PRKG1: variants seen among roughly 807,000 people sequenced by gnomAD.
PRKG1 encodes the protein protein kinase cGMP-dependent 1.
In PRKG1, 35 loss-of-function variants were observed where a neutral mutation model predicts 88.1. The ratio of observed to expected loss-of-function variants is 0.40; its 90% CI spans 0.30 to 0.53. The LOEUF (loss-of-function observed/expected upper bound fraction) is 0.53. Ranked by LOEUF, PRKG1 falls within the 20% of genes least tolerant of loss-of-function variation. The probability of loss-of-function intolerance (pLI) is 0.59; values close to 1 mark genes in which losing one functional copy is unlikely to be tolerated. For synonymous variants in PRKG1, 303 were observed against 292.5 expected (o/e 1.04, Z -0.37); for missense variants, 540 against 839.8 (o/e 0.64, Z 4.41).
chr10:52,171,654 T>C (rs944015616), intron 9 of PRKG1, among the ~76,000 whole-genome samples: 8 of 152,082 alleles, frequency 5.3e-5, no homozygotes, highest in Non-Finnish European at 1.2e-4. Flanking sequence ...GCAGGATTTG[T>C]GACTGCAGAG....
At chr10:51,860,707 T>C (rs1187611161) in intron 4 of PRKG1, among the ~76,000 whole-genome samples, 1 of 152,112 alleles carries the variant, frequency 6.6e-6, no homozygotes, top group Admixed American at 6.6e-5. Context: ...TGGATGTTTT[T>C]AAAAAAATAG....
At chr10:51,032,166 A>C (rs1450091981) in intron 1 of PRKG1, among the ~76,000 whole-genome samples, 1 of 152,106 alleles carries the variant, frequency 6.6e-6, no homozygotes, top group Non-Finnish European at 1.5e-5. Context: ...CAGCAGAGAG[A>C]CAACAGGCTG....
At chr10:51,772,908 T>C (rs1322422040) in intron 3 of PRKG1, among the ~76,000 whole-genome samples, 1 of 152,098 alleles carries the variant, frequency 6.6e-6, no homozygotes, top group Non-Finnish European at 1.5e-5. Context: ...TAAAGGTACT[T>C]ATCTGATTAC....
intron 5 of PRKG1, among the ~76,000 whole-genome samples, chr10:52,051,167 CTA>C (rs1298118590): frequency 1.3e-5 from 2 of 152,170 alleles, no homozygotes; most frequent in Non-Finnish European, 2.9e-5. Flanking sequence ...AAGAAAATAA[CTA>C]TCACATGGAT....
chr10:52,229,933 T>C (rs969958045), intron 9 of PRKG1, among the ~76,000 whole-genome samples: 1 of 152,224 alleles, frequency 6.6e-6, no homozygotes, highest in Admixed American at 6.5e-5. Context: ...CCATGCTTCC[T>C]TCATTATATA....
chr10:51,662,863 G>A (rs1840333146), intron 3 of PRKG1, among the ~76,000 whole-genome samples: 1 of 152,036 alleles, frequency 6.6e-6, no homozygotes, highest in African/African-American at 2.4e-5. Flanking sequence ...TATGGAGTTA[G>A]TGAATAGTGT....
intron 2 of PRKG1, among the ~76,000 whole-genome samples, chr10:51,412,575 C>T (rs1251467894): frequency 1.3e-5 from 2 of 152,076 alleles, no homozygotes; most frequent in African/African-American, 4.8e-5. Flanking sequence ...ACCCGGGAGG[C>T]GGAGGTTGCA....
intron 1 of PRKG1, among the ~76,000 whole-genome samples, chr10:51,044,134 TTTTCTCAAATGAGAAGACCAACAC>T (rs1279093509): frequency 6.6e-6 from 1 of 152,206 alleles, no homozygotes; most frequent in African/African-American, 2.4e-5. Flanking sequence ...ATGACTTCCA[TTTTCTCAAATGAGAAGACCAACAC>T]ACTCACTCTT....
chr10:51,310,762 T>C (rs1841164103), intron 2 of PRKG1, among the ~76,000 whole-genome samples: 1 of 152,136 alleles, frequency 6.6e-6, no homozygotes, highest in African/African-American at 2.4e-5. Context: ...GGATACAACA[T>C]TGAACAAATG....
Position 50,991,243 on chromosome 10 carries a change from G to A in PRKG1, c.-136G>A. ...CCGCGCCGCATTAGGGGCGCACTCCGCCGCGCTCGAGTACTTAGCGCCCAT... is the reference window on the plus strand; with the variant it reads ...CCGCGCCGCATTAGGGGCGCACTCCACCGCGCTCGAGTACTTAGCGCCCAT... On this transcript the variant is annotated 5_prime_UTR_variant, in exon 1 of 18. Transcript: ENST00000401604. This position sits in a 1 kb window ranked among gnomAD's most constrained non-coding sequence, Gnocchi z 4.5. 7.6e-7 allele frequency: 1 copy of A among 1,307,436 alleles called. No homozygotes were observed. Among genetic ancestry groups the A allele is most frequent in the Non-Finnish European group, 1.0e-6 (1 of 987,372 alleles). The allele number at this position is 1,307,436 out of a possible 1,614,324, so 81.0% of individuals were successfully genotyped here.
chr10:51,383,429 T>C (rs993176818), intron 2 of PRKG1, among the ~76,000 whole-genome samples: 2 of 152,310 alleles, frequency 1.3e-5, no homozygotes, highest in South Asian at 2.1e-4. Flanking sequence ...GCCCTTTATA[T>C]AGCAATAGAA....
At chr10:51,044,706 T>C (rs1360582940) in intron 1 of PRKG1, among the ~76,000 whole-genome samples, 1 of 152,040 alleles carries the variant, frequency 6.6e-6, no homozygotes, top group Non-Finnish European at 1.5e-5. Flanking sequence ...GATGTCAAGC[T>C]GTCATAGCAC....
At chr10:51,439,945 A>T (rs891406249) in intron 2 of PRKG1, among the ~76,000 whole-genome samples, 2 of 151,948 alleles carry the variant, frequency 1.3e-5, no homozygotes, top group African/African-American at 4.8e-5. Flanking sequence ...AATACTGCAA[A>T]GTAGATTTGA....
intron 2 of PRKG1, among the ~76,000 whole-genome samples, chr10:51,205,180 C>T (rs1165912976): frequency 2.2e-5 from 2 of 90,050 alleles, no homozygotes; most frequent in Non-Finnish European, 4.2e-5. Context: ...TGCTCTGTTG[C>T]CCAGGCGGGA....
At chr10:52,062,471 A>C (rs1846259412) in intron 6 of PRKG1, 66 bp from the exon 7 acceptor site, 6 of 956,608 alleles carry the variant, frequency 6.3e-6, no homozygotes, top group Non-Finnish European at 9.0e-6. Context: ...TAACTTCATT[A>C]ATTAGTGTTC....
In PRKG1 at chr10:52,224,228, A is replaced by T. The variant is rs554880598; in HGVS notation, c.1077-27342A>T. Among the ~76,000 whole-genome samples the T allele has an allele frequency of 1.8e-4, 27 of 151,778 alleles. No homozygotes were observed. The East Asian group carries it at 3.1e-3, about 18-fold the overall frequency. ...AGAGGAGACTGTTCCAGCCACTATA[A>T]CTGTCTTGCTAATTGTAACACATAT... On this transcript the variant is annotated intron_variant, in intron 9 of 17. Coordinates refer to ENST00000373980, the MANE Select transcript of PRKG1 (RefSeq NM_006258.4).
At chr10:51,840,652 T>A (rs1050383737) in intron 4 of PRKG1, among the ~76,000 whole-genome samples, 1 of 152,086 alleles carries the variant, frequency 6.6e-6, no homozygotes, top group Non-Finnish European at 1.5e-5. Flanking sequence ...GTTCAAGCAA[T>A]TCTTCTGCCT....
intron 2 of PRKG1, among the ~76,000 whole-genome samples, chr10:51,312,677 G>A (rs1022412166): frequency 1.6e-5 from 2 of 125,734 alleles, no homozygotes; most frequent in Non-Finnish European, 3.7e-5. Flanking sequence ...ATGTTCAGAT[G>A]GATATATGTG....
chr10:52,018,912 A>T (rs899924480), intron 5 of PRKG1, among the ~76,000 whole-genome samples: 4 of 152,144 alleles, frequency 2.6e-5, no homozygotes, highest in Admixed American at 1.3e-4. Context: ...GAAAGTTAGG[A>T]TCTGTCTTTG....
Sources: allele counts gnomAD v4.1 joint callset (sites outside exome capture counted in the v4.1 genomes callset), GRCh38; gene constraint gnomAD v4.1.1; non-coding constraint Gnocchi (gnomAD v3.1); transcripts MANE v1.5; gene names NCBI Gene and HGNC (gene_info 2026-07-23, HGNC 2026-07-21).